The following ZMYM4 variants were observed in gnomAD, a reference collection of about 807,000 sequenced individuals.
ZMYM4 encodes zinc finger MYM-type containing 4, also known as zinc finger MYM-type protein 4.
A neutral mutation model predicts 183.2 loss-of-function variants in ZMYM4; 31 were observed. The ratio of observed to expected loss-of-function variants is 0.17; its 90% CI spans 0.13 to 0.23. The LOEUF (loss-of-function observed/expected upper bound fraction) is 0.23, where lower values mean the gene tolerates loss of function less well. ZMYM4 is among the 10% of genes least tolerant of loss of function. The pLI is 1.00. For missense variants in ZMYM4, 1,273 were observed against 1,840.3 expected (o/e 0.69, Z 5.64); for synonymous variants, 592 against 631.2 (o/e 0.94, Z 0.93).
rs558989967 is a variant in ZMYM4, at chr1:35,359,005, A to G, written c.166A>G (p.Met56Val). 1.1e-5 allele frequency: 18 copies of G among 1,613,802 alleles called. 1 individual carries two copies. In the South Asian group the frequency reaches 2.0e-4, roughly 18 times the overall value. The part of the protein sequence containing the change: ...TPTLDSMSYG[M>V]PNQTGSENSL... ...TACCCTTGACAGCATGTCTTATGGA[A>G]TGCCGAATCAAACAGGATCTGAAAA... is the stretch of plus-strand genomic sequence containing the variant. The change falls in exon 3 of 30, where the codon ATG becomes GTG. Residue 56 changes from methionine to valine, a missense_variant. By Grantham distance (21) the Met-to-Val change is conservative (BLOSUM62 1). Around this residue, in one of 6 missense-constraint regions of ZMYM4, gnomAD observed 384 missense variants for 465.6 expected, o/e 0.82. Transcript: ENST00000314607.
intron 13 of ZMYM4, among the ~76,000 whole-genome samples, 174 bp from the exon 14 acceptor site, chr1:35,388,736 C>T (rs543237591): frequency 5.3e-5 from 8 of 151,982 alleles, no homozygotes; most frequent in Admixed American, 5.2e-4. Flanking sequence ...TGGGGTCTTG[C>T]CATGTTGCCC....
Position 35,379,043 on chromosome 1 carries a change from C to A in ZMYM4, c.1182-2216C>A, listed in dbSNP as rs545871944. Among the ~76,000 whole-genome samples the A allele has an allele frequency of 1.2e-3, 184 of 152,278 alleles. 1 individual carries two copies. Among genetic ancestry groups the A allele is most frequent in the African/African-American group, 4.1e-3 (170 of 41,554 alleles). Reference sequence around the variant, plus strand: ...AAGGGAATGCTGTGGCTGGTTTGATCTTCTATCTAGACCACTATAACTTCT... The same window carrying A: ...AAGGGAATGCTGTGGCTGGTTTGATATTCTATCTAGACCACTATAACTTCT... On this transcript the variant is annotated intron_variant, in intron 7 of 29. Transcript: ENST00000314607.
chr1:35,376,276 A>G (rs558109559), intron 7 of ZMYM4, among the ~76,000 whole-genome samples: 1 of 152,310 alleles, frequency 6.6e-6, no homozygotes, highest in South Asian at 2.1e-4. Context: ...CACTACCACA[A>G]TAAGATGTAA....
intron 2 of ZMYM4, among the ~76,000 whole-genome samples, chr1:35,347,481 T>C (rs1335822169): frequency 6.6e-6 from 1 of 152,156 alleles, no homozygotes; most frequent in Non-Finnish European, 1.5e-5. Flanking sequence ...TCTACAGTTA[T>C]AAAGCCCTTA....
chr1:35,369,895 C>T, intron 5 of ZMYM4, 134 bp from the exon 6 acceptor site: 1 of 534,498 alleles, frequency 1.9e-6, no homozygotes. Flanking sequence ...CTGTTTTGTA[C>T]TTTATTATTT....
In ZMYM4 at chr1:35,359,248, G is replaced by T. The variant is rs2148904483; in HGVS notation, c.409G>T (p.Asp137Tyr). ...ACAAATTCAAAATAAGTTAAAAAAA[G>T]ACTTTCCTAAACAATTTGATCAGGT... is the stretch of plus-strand genomic sequence containing the variant. ...EIQIQNKLKK[D>Y]FPKQFDQVSV... The change falls in exon 3 of 30, where the codon GAC becomes TAC. Residue 137 changes from aspartate (D) to tyrosine (Y), a missense_variant. Physicochemically the swap from Asp to Tyr is radical, Grantham distance 160 (BLOSUM62 -3). This residue lies in a region of ZMYM4 where 384 missense variants were observed against 465.6 expected (regional missense o/e 0.82). Transcript: ENST00000314607. The T allele has an allele frequency of 6.2e-7, 1 of 1,609,564 alleles. No homozygotes were observed. The highest frequency in any genetic ancestry group is 8.5e-7 in the Non-Finnish European group (1 of 1,178,338).
chr1:35,318,101 C>G (rs910465860), intron 1 of ZMYM4, among the ~76,000 whole-genome samples: 1 of 148,810 alleles, frequency 6.7e-6, no homozygotes, highest in Non-Finnish European at 1.5e-5. Flanking sequence ...CTCTATCACC[C>G]AGACTGGAGT....
intron 2 of ZMYM4, among the ~76,000 whole-genome samples, chr1:35,328,157 G>A (rs79449447): frequency 0.013 from 1,962 of 152,152 alleles, 45 homozygotes; most frequent in African/African-American, 0.045. Context: ...ACCTGTAGCC[G>A]GGCTACTGTA....
In ZMYM4 at chr1:35,386,120, G is replaced by A. The variant is rs141821214; in HGVS notation, c.1767G>A (p.Gln589=). Residue 589 remains glutamine, a synonymous_variant, in exon 11 of 30, where the codon CAG becomes CAA. Transcript: ENST00000314607. The stretch of plus-strand genomic sequence containing the variant: ...GTTGTAAAACCTCAGCAATTCCTCA[G>A]TATCACCTAGCCATGTCAGATGGAA... ...CNSCKTSAIP[Q]YHLAMSDGSI... is the part of the protein sequence containing the mutation. 1.0e-4 allele frequency: 167 copies of A among 1,613,842 alleles called. 1 individual carries two copies. The highest frequency in any genetic ancestry group is 2.7e-5 in the African/African-American group (2 of 74,884).
chr1:35,419,312 C>A (rs1382768450), intron 29 of ZMYM4, among the ~76,000 whole-genome samples, 158 bp from the exon 30 acceptor site: 1 of 151,946 alleles, frequency 6.6e-6, no homozygotes, highest in African/African-American at 2.4e-5. Flanking sequence ...AGGTTGAGAG[C>A]CATATTAGGT....
chr1:35,408,767 T>C (rs1351793461), intron 26 of ZMYM4, among the ~76,000 whole-genome samples: 5 of 152,080 alleles, frequency 3.3e-5, no homozygotes, highest in African/African-American at 9.7e-5. Flanking sequence ...ATTATATATA[T>C]AGTGTGATTG....
At chr1:35,327,789 AG>A (rs1401083457) in intron 2 of ZMYM4, among the ~76,000 whole-genome samples, 43 of 152,356 alleles carry the variant, frequency 2.8e-4, no homozygotes, top group African/African-American at 1.0e-3. Context: ...GCCAGAAAGC[AG>A]TTATATTCCC....
intron 2 of ZMYM4, among the ~76,000 whole-genome samples, chr1:35,345,976 C>T (rs1157606336): frequency 2.6e-5 from 4 of 152,162 alleles, no homozygotes; most frequent in Non-Finnish European, 4.4e-5. Context: ...GGCAATCACC[C>T]TTCTACTTTG....
intron 1 of ZMYM4, among the ~76,000 whole-genome samples, chr1:35,318,982 G>A (rs991175376): frequency 6.6e-6 from 1 of 152,144 alleles, no homozygotes; most frequent in African/African-American, 2.4e-5. Context: ...CGCCTCCCGG[G>A]TTCAAGTGAT....
intron 17 of ZMYM4, 29 bp downstream of exon 17, chr1:35,392,713 T>C: frequency 6.4e-7 from 1 of 1,560,964 alleles, no homozygotes; most frequent in South Asian, 1.2e-5. Flanking sequence ...ATTGGTATTG[T>C]CACTGTATTT....
At chr1:35,406,023 T>A (rs1415862690) in intron 25 of ZMYM4, among the ~76,000 whole-genome samples, 1 of 152,268 alleles carries the variant, frequency 6.6e-6, no homozygotes, top group African/African-American at 2.4e-5. Flanking sequence ...AATTTGTGTT[T>A]TATGTAAAAT....
At chr1:35,297,253 T>C (rs567547321) in intron 1 of ZMYM4, among the ~76,000 whole-genome samples, 1 of 152,326 alleles carries the variant, frequency 6.6e-6, no homozygotes, top group South Asian at 2.1e-4. Context: ...CAACTAATTT[T>C]GTAATTCAGT....
At chr1:35,393,188 C>T (rs147299600) in intron 17 of ZMYM4, among the ~76,000 whole-genome samples, 21 of 152,246 alleles carry the variant, frequency 1.4e-4, no homozygotes, top group East Asian at 1.9e-4. Context: ...ATAACTTTCA[C>T]GTTGTCTTTA....
At chr1:35,383,565 A>G (rs76913870) in intron 9 of ZMYM4, among the ~76,000 whole-genome samples, 1 of 152,088 alleles carries the variant, frequency 6.6e-6, no homozygotes, top group Non-Finnish European at 1.5e-5. Flanking sequence ...GAAAAAAAAA[A>G]TCCCCACATC....
Sources: gnomAD v4.1 joint callset for allele counts (sites outside exome capture counted in the v4.1 genomes callset) on GRCh38, gnomAD v4.1.1 for gene constraint, gnomAD v4.1.1 regional missense constraint, MANE v1.5 for transcripts, NCBI Gene and HGNC (gene_info 2026-07-23, HGNC 2026-07-21) for gene names.